Variants in AUTS2 observed in about 807,000 individuals in gnomAD.
AUTS2 encodes the protein autism susceptibility gene 2 protein.
Under a neutral mutation model 112.4 loss-of-function variants are expected in AUTS2, and 17 were observed. That is an observed-to-expected ratio of 0.15 (90% confidence interval 0.10 to 0.23). The LOEUF (loss-of-function observed/expected upper bound fraction) is 0.23, where lower values mean the gene tolerates loss of function less well. AUTS2 is among the 10% of genes least tolerant of loss of function. The pLI is 1.00. For synonymous variants in AUTS2, 751 were observed against 702.7 expected (o/e 1.07, Z -1.09); for missense variants, 1,510 against 1,701.6 (o/e 0.89, Z 1.98).
At chr7:70,409,264 G>A (rs1215062896) in intron 4 of AUTS2, among the ~76,000 whole-genome samples, 1 of 152,188 alleles carries the variant, frequency 6.6e-6, no homozygotes, top group Non-Finnish European at 1.5e-5. Context: ...ACGTAAGCAT[G>A]TAGGTACATG....
chr7:70,519,162 A>G (rs1322449671), intron 5 of AUTS2, among the ~76,000 whole-genome samples: 1 of 152,206 alleles, frequency 6.6e-6, no homozygotes, highest in Non-Finnish European at 1.5e-5. Flanking sequence ...GGGAACCTCC[A>G]GGGTCAAATA....
intron 4 of AUTS2, among the ~76,000 whole-genome samples, chr7:70,425,061 C>A (rs1405435254): frequency 6.6e-6 from 1 of 152,146 alleles, no homozygotes; most frequent in Admixed American, 6.5e-5. Flanking sequence ...CCCATCTCTC[C>A]TTTAGCTTGA....
chr7:70,541,701 G>T (rs539495760), intron 5 of AUTS2, among the ~76,000 whole-genome samples: 1 of 152,196 alleles, frequency 6.6e-6, no homozygotes, highest in African/African-American at 2.4e-5. Context: ...TATTGGGAGG[G>T]ACAGACAATT....
chr7:70,257,160 A>G (rs1195174634), intron 4 of AUTS2, among the ~76,000 whole-genome samples: 1 of 151,978 alleles, frequency 6.6e-6, no homozygotes, highest in Non-Finnish European at 1.5e-5. Flanking sequence ...TTCTTTTAAG[A>G]ATTGGGGTCT....
intron 4 of AUTS2, among the ~76,000 whole-genome samples, chr7:70,210,064 A>G (rs1255191486): frequency 6.6e-6 from 1 of 152,166 alleles, no homozygotes; most frequent in Non-Finnish European, 1.5e-5. Context: ...GGGTATAGGA[A>G]TTAAACCGTG....
At chr7:69,969,421 T>TG (rs1797757469) in intron 2 of AUTS2, among the ~76,000 whole-genome samples, 1 of 152,206 alleles carries the variant, frequency 6.6e-6, no homozygotes, top group Non-Finnish European at 1.5e-5. Context: ...AATTGAAGGA[T>TG]ATTCGTCTTG....
chr7:70,708,078 T>A (rs1018383661), intron 6 of AUTS2, among the ~76,000 whole-genome samples: 2 of 152,110 alleles, frequency 1.3e-5, no homozygotes, highest in Non-Finnish European at 2.9e-5. Flanking sequence ...TGGGAGGCAG[T>A]TATATTTGGA....
At chr7:70,621,419 T>G (rs1585391880) in intron 5 of AUTS2, among the ~76,000 whole-genome samples, 1 of 152,226 alleles carries the variant, frequency 6.6e-6, no homozygotes, top group African/African-American at 2.4e-5. Context: ...CATTTTTAAA[T>G]CCTCTCCTGA....
intron 5 of AUTS2, among the ~76,000 whole-genome samples, chr7:70,567,393 T>A (rs909938307): frequency 2.6e-5 from 4 of 152,232 alleles, no homozygotes; most frequent in Admixed American, 6.5e-5. Flanking sequence ...AAAATTTCCA[T>A]TGAGAGTGCC....
intron 1 of AUTS2, among the ~76,000 whole-genome samples, chr7:69,886,820 A>G (rs1045553276): frequency 7.3e-5 from 10 of 136,220 alleles, no homozygotes; most frequent in Admixed American, 6.9e-4. Flanking sequence ...TCAGGGTCTC[A>G]TTCTGTCACC....
intron 5 of AUTS2, among the ~76,000 whole-genome samples, chr7:70,692,593 AGTGG>A (rs1563131441): frequency 2.0e-5 from 3 of 152,212 alleles, no homozygotes; most frequent in African/African-American, 7.2e-5. Context: ...CTCAGGAGGC[AGTGG>A]TAGAGAAAAA....
chr7:70,469,800 C>A (rs1797309756), intron 5 of AUTS2, among the ~76,000 whole-genome samples: 1 of 152,120 alleles, frequency 6.6e-6, no homozygotes, highest in South Asian at 2.1e-4. Context: ...GCCACCACGC[C>A]CGGCTAATTT....
At chr7:69,901,262 C>T (rs897309670) in intron 2 of AUTS2, among the ~76,000 whole-genome samples, 1 of 152,020 alleles carries the variant, frequency 6.6e-6, no homozygotes, top group South Asian at 2.1e-4. Flanking sequence ...AGAGAGATTG[C>T]AATGTAACCA....
In AUTS2 at chr7:70,667,938, A is replaced by T. The variant is rs533744559; in HGVS notation, c.691-30631A>T. On this transcript the variant is annotated intron_variant, in intron 5 of 18. Transcript: ENST00000342771. ...CCAAACTCTAGCATGCATCACGATC[A>T]CTGGGGGTCTCCCTAAAATGCACAT... Among the ~76,000 whole-genome samples, 15 of 152,320 alleles carry T rather than the reference A, an allele frequency of 9.8e-5. No homozygotes were observed. In the South Asian group the frequency reaches 1.2e-3, roughly 13 times the overall value.
chr7:70,599,906 A>G (rs1803387624), intron 5 of AUTS2, among the ~76,000 whole-genome samples: 1 of 152,208 alleles, frequency 6.6e-6, no homozygotes, highest in African/African-American at 2.4e-5. Flanking sequence ...AGCTCATCAC[A>G]GTGTCCACCA....
At chr7:69,766,933 C>T (rs1043800474) in intron 1 of AUTS2, among the ~76,000 whole-genome samples, 6 of 152,240 alleles carry the variant, frequency 3.9e-5, no homozygotes, top group African/African-American at 1.4e-4. Flanking sequence ...CAAACTTCTT[C>T]TCTGCCATTG....
chr7:69,845,276 C>T (rs1792146514), intron 1 of AUTS2, among the ~76,000 whole-genome samples: 1 of 152,168 alleles, frequency 6.6e-6, no homozygotes, highest in African/African-American at 2.4e-5. Flanking sequence ...TCAAAGCCTA[C>T]AGAAGACTTG....
Position 70,614,506 on chromosome 7 carries a change from A to G in AUTS2, c.691-84063A>G, listed in dbSNP as rs147484535. Among the ~76,000 whole-genome samples the G allele has an allele frequency of 8.5e-3, 1,297 of 152,290 alleles. 16 individuals are homozygous for G. Among genetic ancestry groups the G allele is most frequent in the South Asian group, 0.017 (83 of 4,828 alleles). On this transcript the variant is annotated intron_variant, in intron 5 of 18. Coordinates refer to ENST00000342771, the MANE Select transcript of AUTS2 (RefSeq NM_015570.4). ...GTGGGGGTTTCTTTTTGCTGTGGACAGTAAATAGTGAGAAAGTGGTGAAAT... is the reference window on the plus strand; with the variant it reads ...GTGGGGGTTTCTTTTTGCTGTGGACGGTAAATAGTGAGAAAGTGGTGAAAT...
intron 4 of AUTS2, among the ~76,000 whole-genome samples, chr7:70,432,392 C>CA (rs1414084635): frequency 4.6e-5 from 7 of 151,824 alleles, no homozygotes; most frequent in Non-Finnish European, 1.0e-4. Flanking sequence ...ATCACTTGGC[C>CA]AAAAAAATCC....
Sources: allele counts gnomAD v4.1 joint callset (sites outside exome capture counted in the v4.1 genomes callset), GRCh38; gene constraint gnomAD v4.1.1; transcripts MANE v1.5; gene names NCBI Gene and HGNC (gene_info 2026-07-23, HGNC 2026-07-21).